The following CTNND2 variants were observed in gnomAD, a reference collection of about 807,000 sequenced individuals.
CTNND2 encodes the protein catenin delta 2.
A neutral mutation model predicts 144.4 loss-of-function variants in CTNND2; 22 were observed. The ratio of observed to expected loss-of-function variants is 0.15; its 90% CI spans 0.11 to 0.22. The LOEUF is 0.22. Ranked by LOEUF, CTNND2 falls within the 10% of genes least tolerant of loss-of-function variation. The pLI, the probability that CTNND2 is intolerant of heterozygous loss-of-function variation, is 1.00. For synonymous variants in CTNND2, 751 were observed against 695.6 expected (o/e 1.08, Z -1.25); for missense variants, 1,353 against 1,618.8 (o/e 0.84, Z 2.82).
intron 1 of CTNND2, among the ~76,000 whole-genome samples, chr5:11,833,346 T>C (rs1794007107): frequency 6.6e-6 from 1 of 152,072 alleles, no homozygotes; most frequent in Non-Finnish European, 1.5e-5. Context: ...TCAATTCCAT[T>C]ATGCTGAGTG....
chr5:11,209,530 T>C (rs1197351756), intron 10 of CTNND2, among the ~76,000 whole-genome samples: 1 of 151,994 alleles, frequency 6.6e-6, no homozygotes, highest in Non-Finnish European at 1.5e-5. Context: ...ATGAACCAAA[T>C]AAGGGCAAAA....
intron 9 of CTNND2, among the ~76,000 whole-genome samples, chr5:11,267,036 G>A (rs1165054671): frequency 2.0e-5 from 3 of 152,070 alleles, no homozygotes; most frequent in East Asian, 3.9e-4. Context: ...CCGCCACCAC[G>A]CCCGGCTAAT....
intron 1 of CTNND2, among the ~76,000 whole-genome samples, chr5:11,801,358 T>C (rs1037086416): frequency 2.6e-5 from 4 of 152,234 alleles, no homozygotes; most frequent in African/African-American, 9.6e-5. Flanking sequence ...ATGATACAGT[T>C]GCTTCTGAAC....
chr5:11,735,629 C>G (rs1410232988), intron 1 of CTNND2, among the ~76,000 whole-genome samples: 5 of 152,102 alleles, frequency 3.3e-5, no homozygotes, highest in African/African-American at 9.7e-5. Flanking sequence ...AATTAAATCA[C>G]GGAGGCAGGT....
intron 15 of CTNND2, among the ~76,000 whole-genome samples, chr5:11,084,723 C>T (rs61755751): frequency 7.9e-5 from 12 of 152,054 alleles, no homozygotes; most frequent in African/African-American, 2.4e-4. Context: ...AGGCCCCATG[C>T]GACTGGCTTA....
rs141879058 is a variant in CTNND2, at chr5:11,638,027, T to G, written c.175-72971A>C. 1.6e-3 allele frequency among the ~76,000 whole-genome samples: 251 copies of G among 152,292 alleles called. 1 individual carries two copies. Among genetic ancestry groups the G allele is most frequent in the Middle Eastern group, 6.8e-3 (2 of 294 alleles). ...AATGGGAAAAGATAACAGCCTCTCT[T>G]TTTTCATCACGTAAATTAGCTTCAG... is the stretch of plus-strand genomic sequence containing the variant. On this transcript the variant is annotated intron_variant, in intron 2 of 21. Transcript: ENST00000304623.
At chr5:11,865,551 A>G (rs538006361) in intron 1 of CTNND2, among the ~76,000 whole-genome samples, 11 of 152,332 alleles carry the variant, frequency 7.2e-5, no homozygotes, top group Middle Eastern at 3.4e-3. Flanking sequence ...CAAAGGAGAC[A>G]GATTTTCACT....
chr5:11,543,314 G>T (rs770263212), intron 3 of CTNND2, among the ~76,000 whole-genome samples: 1 of 152,188 alleles, frequency 6.6e-6, no homozygotes, highest in Non-Finnish European at 1.5e-5. Context: ...GTTCTCCACA[G>T]ATACAGACAT....
At chr5:11,311,530 TCACA>T (rs1207841094) in intron 9 of CTNND2, among the ~76,000 whole-genome samples, 1 of 86,826 alleles carries the variant, frequency 1.2e-5, no homozygotes, top group Non-Finnish European at 2.3e-5. Flanking sequence ...ACACATACAC[TCACA>T]CACACACTCT....
intron 3 of CTNND2, among the ~76,000 whole-genome samples, chr5:11,413,156 T>C (rs1324042991): frequency 6.6e-6 from 1 of 152,170 alleles, no homozygotes; most frequent in Non-Finnish European, 1.5e-5. Context: ...ATGAGAGCTG[T>C]AGACAATATT....
At chr5:11,178,518 T>C (rs16901371) in intron 11 of CTNND2, among the ~76,000 whole-genome samples, 2,464 of 152,262 alleles carry the variant, frequency 0.016, 64 homozygotes, top group African/African-American at 0.056. Flanking sequence ...GCAGAGATGA[T>C]ACAACTTGAA....
chr5:11,866,079 G>T (rs1795756166), intron 1 of CTNND2, among the ~76,000 whole-genome samples: 1 of 152,032 alleles, frequency 6.6e-6, no homozygotes, highest in South Asian at 2.1e-4. Flanking sequence ...AAAGTGGGAG[G>T]ATCTCTTGAA....
At chr5:11,243,469 C>T (rs551676364) in intron 9 of CTNND2, among the ~76,000 whole-genome samples, 1 of 152,290 alleles carries the variant, frequency 6.6e-6, no homozygotes, top group South Asian at 2.1e-4. Flanking sequence ...CATGGGCTCT[C>T]TAGAAATGTC....
At chr5:11,597,851 G>A (rs532055404) in intron 2 of CTNND2, among the ~76,000 whole-genome samples, 11 of 152,276 alleles carry the variant, frequency 7.2e-5, no homozygotes, top group African/African-American at 2.6e-4. Flanking sequence ...CATGAGCCAC[G>A]AAGCCTGGCT....
intron 6 of CTNND2, among the ~76,000 whole-genome samples, chr5:11,392,539 C>T (rs1008274583): frequency 1.3e-5 from 2 of 152,082 alleles, no homozygotes; most frequent in African/African-American, 4.8e-5. Context: ...GAAAATGTTA[C>T]AGCAAAACAC....
At chr5:11,613,522 A>G (rs1425262112) in intron 2 of CTNND2, among the ~76,000 whole-genome samples, 2 of 152,200 alleles carry the variant, frequency 1.3e-5, no homozygotes. Context: ...CTGCTGTCCA[A>G]TCAGGCATTC....
At chr5:11,120,246 GT>G (rs1259756872) in intron 12 of CTNND2, among the ~76,000 whole-genome samples, 3 of 152,236 alleles carry the variant, frequency 2.0e-5, no homozygotes, top group African/African-American at 7.2e-5. Context: ...TCAAGAGGGG[GT>G]TATCATGCTG....
At chr5:11,297,920 A>G (rs1392965460) in intron 9 of CTNND2, among the ~76,000 whole-genome samples, 1 of 152,196 alleles carries the variant, frequency 6.6e-6, no homozygotes, top group Non-Finnish European at 1.5e-5. Context: ...CCATCATCCT[A>G]ATGTTAAAGT....
chr5:11,451,775 A>G (rs191846026), intron 3 of CTNND2, among the ~76,000 whole-genome samples: 55 of 152,362 alleles, frequency 3.6e-4, no homozygotes, highest in Admixed American at 6.5e-4. Context: ...ATCCTATAAC[A>G]TGCCTATTTT....
Sources: allele counts gnomAD v4.1 joint callset (sites outside exome capture counted in the v4.1 genomes callset), GRCh38; gene constraint gnomAD v4.1.1; transcripts MANE v1.5; gene names NCBI Gene and HGNC (gene_info 2026-07-23, HGNC 2026-07-21).